ROBO1: variants seen among roughly 807,000 people sequenced by gnomAD.
ROBO1 encodes roundabout homolog 1.
ROBO1 carries 149 observed loss-of-function variants against 195.9 expected under a neutral mutation model. The observed-to-expected ratio is 0.76, with a 90% CI of 0.67 to 0.87. The LOEUF (loss-of-function observed/expected upper bound fraction) is 0.87. ROBO1 is among the 40% of genes least tolerant of loss of function. The pLI is 0.00. For missense variants in ROBO1, 1,933 were observed against 2,068.3 expected, an observed-to-expected ratio of 0.93 and a Z score of 1.27; for synonymous variants, 816 against 733.2, an observed-to-expected ratio of 1.11 and a Z score of -1.82.
chr3:78,880,690 T>C (rs564973790), intron 4 of ROBO1, among the ~76,000 whole-genome samples: 1 of 152,336 alleles, frequency 6.6e-6, no homozygotes, highest in South Asian at 2.1e-4. Context: ...GTTGGAGATC[T>C]AACCCTTTAT....
chr3:79,190,035 T>C (rs2081509905), intron 2 of ROBO1, among the ~76,000 whole-genome samples: 1 of 151,714 alleles, frequency 6.6e-6, no homozygotes, highest in Admixed American at 6.6e-5. Context: ...ATACATTCAT[T>C]GTTTTACTTG....
chr3:79,408,824 A>G (rs1341407138), intron 2 of ROBO1, among the ~76,000 whole-genome samples: 1 of 152,140 alleles, frequency 6.6e-6, no homozygotes, highest in Non-Finnish European at 1.5e-5. Flanking sequence ...ATTTCAACAG[A>G]TATCTTTGTA....
chr3:79,085,998 G>C (rs978865253), intron 3 of ROBO1, among the ~76,000 whole-genome samples: 15 of 152,084 alleles, frequency 9.9e-5, no homozygotes, highest in Non-Finnish European at 1.6e-4. Context: ...ATTACAAACA[G>C]CTGATAAGAG....
chr3:79,646,907 G>C (rs1036199555), intron 1 of ROBO1, among the ~76,000 whole-genome samples: 4 of 151,990 alleles, frequency 2.6e-5, no homozygotes, highest in African/African-American at 9.7e-5. Flanking sequence ...AGTCTGAGAA[G>C]GCTAAGAGGG....
chr3:79,763,578 C>T (rs1412975224), intron 1 of ROBO1, among the ~76,000 whole-genome samples: 1 of 152,008 alleles, frequency 6.6e-6, no homozygotes, highest in African/African-American at 2.4e-5. Flanking sequence ...AATGGAAAGG[C>T]AGAAAAGAAC....
intron 2 of ROBO1, among the ~76,000 whole-genome samples, chr3:79,143,482 AG>A (rs1462173861): frequency 2.6e-5 from 4 of 152,066 alleles, no homozygotes. Flanking sequence ...ACATGATAAC[AG>A]CACATTTTAT....
At chr3:79,601,141 C>T (rs536351952) in intron 1 of ROBO1, among the ~76,000 whole-genome samples, 2 of 151,798 alleles carry the variant, frequency 1.3e-5, no homozygotes, top group Non-Finnish European at 2.9e-5. Flanking sequence ...AGATGGAATT[C>T]GAAAGAACAG....
intron 8 of ROBO1, among the ~76,000 whole-genome samples, chr3:78,706,937 T>A (rs1559767823): frequency 6.6e-6 from 1 of 152,076 alleles, no homozygotes; most frequent in South Asian, 2.1e-4. Context: ...ACAAGTCAAA[T>A]AAAGAATATG....
At chr3:79,597,095 CTTA>C (rs1055947616) in intron 1 of ROBO1, among the ~76,000 whole-genome samples, 1 of 151,258 alleles carries the variant, frequency 6.6e-6, no homozygotes, top group African/African-American at 2.4e-5. Flanking sequence ...AAATGGAAAA[CTTA>C]ATAAGTGTGT....
intron 1 of ROBO1, among the ~76,000 whole-genome samples, chr3:79,633,353 CTTTT>C (rs58016604): frequency 8.3e-6 from 1 of 119,900 alleles, no homozygotes; most frequent in African/African-American, 3.2e-5. Context: ...TTTTGCATTT[CTTTT>C]TTTTTTTTTT....
chr3:78,968,348 C>T (rs1352576475), intron 3 of ROBO1, among the ~76,000 whole-genome samples: 1 of 148,782 alleles, frequency 6.7e-6, no homozygotes, highest in African/African-American at 2.5e-5. Flanking sequence ...GATCTTGGCT[C>T]ACTGCAACCT....
chr3:78,599,680 G>A (rs761946361), intron 30 of ROBO1, among the ~76,000 whole-genome samples: 6 of 152,150 alleles, frequency 3.9e-5, no homozygotes, highest in African/African-American at 4.8e-5. Flanking sequence ...GAAGTGTAAA[G>A]GTGAAGGACA....
chr3:79,110,238 AC>A (rs2079861233), intron 3 of ROBO1, among the ~76,000 whole-genome samples: 1 of 152,018 alleles, frequency 6.6e-6, no homozygotes, highest in Non-Finnish European at 1.5e-5. Context: ...GGCACATTTT[AC>A]ACTTTCAGAA....
chr3:79,255,845 C>T (rs2082823271), intron 2 of ROBO1, among the ~76,000 whole-genome samples: 1 of 152,090 alleles, frequency 6.6e-6, no homozygotes. Flanking sequence ...AATTACTTCC[C>T]CATAAGTGAG....
chr3:78,945,303 T>C (rs942498408), intron 3 of ROBO1, among the ~76,000 whole-genome samples: 10 of 152,024 alleles, frequency 6.6e-5, no homozygotes, highest in Non-Finnish European at 1.5e-4. Context: ...CACGGCCGGG[T>C]ACTACTCTGA....
chr3:79,565,771 A>C (rs1304936195), intron 2 of ROBO1, among the ~76,000 whole-genome samples: 3 of 152,066 alleles, frequency 2.0e-5, no homozygotes, highest in Non-Finnish European at 2.9e-5. Context: ...TTTGAATGTA[A>C]AGATATTTAG....
intron 3 of ROBO1, among the ~76,000 whole-genome samples, chr3:79,029,252 T>A (rs370732037): frequency 1.3e-5 from 2 of 152,162 alleles, no homozygotes; most frequent in African/African-American, 4.8e-5. Context: ...GACTTAGTTA[T>A]CCCCTTTTTC....
At chr3:78,680,207 T>G (rs1400873083) in intron 10 of ROBO1, among the ~76,000 whole-genome samples, 1 of 152,170 alleles carries the variant, frequency 6.6e-6, no homozygotes, top group African/African-American at 2.4e-5. Flanking sequence ...ACTTAAATGT[T>G]AGACCTAAAA....
chr3:78,652,728 A>T (rs1229903288), intron 18 of ROBO1, among the ~76,000 whole-genome samples: 1 of 152,204 alleles, frequency 6.6e-6, no homozygotes, highest in Non-Finnish European at 1.5e-5. Flanking sequence ...AAAAGGGCTC[A>T]TGTTTTCTGC....
Sources: gnomAD v4.1 joint callset for allele counts (sites outside exome capture counted in the v4.1 genomes callset) on GRCh38, gnomAD v4.1.1 for gene constraint, MANE v1.5 for transcripts, NCBI Gene and HGNC (gene_info 2026-07-23, HGNC 2026-07-21) for gene names.